CEP112: variants seen among roughly 807,000 people sequenced by gnomAD.
CEP112 encodes centrosomal protein 112.
In CEP112, 127 loss-of-function variants were observed where a neutral mutation model predicts 153.0. That is an observed-to-expected ratio of 0.83 (90% CI 0.72 to 0.96). CEP112 has a LOEUF of 0.96. CEP112 is among the 40% of genes least tolerant of loss of function. The probability of loss-of-function intolerance (pLI) is 0.00; values close to 1 mark genes in which losing one functional copy is unlikely to be tolerated. For missense variants in CEP112, 1,089 were observed against 1,101.2 expected (o/e 0.99, Z 0.16); for synonymous variants, 358 against 374.4 (o/e 0.96, Z 0.51).
intron 18 of CEP112, among the ~76,000 whole-genome samples, chr17:65,941,769 T>A (rs11079604): frequency 0.48 from 72,488 of 151,470 alleles, 18,327 homozygotes; most frequent in East Asian, 0.89. Flanking sequence ...TGTGTTAGGT[T>A]TTTTTTTGTT....
At chr17:66,083,114 TGTAG>T (rs1354891390) in intron 8 of CEP112, among the ~76,000 whole-genome samples, 1 of 152,216 alleles carries the variant, frequency 6.6e-6, no homozygotes, top group East Asian at 1.9e-4. Flanking sequence ...CATCTTGAAC[TGTAG>T]CTACCATCAT....
At chr17:65,681,116 G>A (rs947380531) in intron 24 of CEP112, among the ~76,000 whole-genome samples, 2 of 152,158 alleles carry the variant, frequency 1.3e-5, no homozygotes, top group Admixed American at 1.3e-4. Context: ...TGAGGATAGG[G>A]GCTCCGGAAA....
chr17:65,658,121 G>A (rs1169065957), intron 24 of CEP112, among the ~76,000 whole-genome samples: 6 of 152,220 alleles, frequency 3.9e-5, no homozygotes, highest in Non-Finnish European at 7.3e-5. Context: ...CAATTTGGAA[G>A]ACAGACATTA....
intron 25 of CEP112, 35 bp from the exon 26 acceptor site, chr17:65,637,223 G>A (rs1023687475): frequency 6.9e-6 from 10 of 1,455,558 alleles, no homozygotes; most frequent in African/African-American, 5.6e-5. Context: ...AGAGGTGGAC[G>A]TGGCTTACAT....
chr17:65,971,198 A>AT (rs1407377413), intron 17 of CEP112, among the ~76,000 whole-genome samples: 2 of 151,914 alleles, frequency 1.3e-5, no homozygotes, highest in Non-Finnish European at 2.9e-5. Flanking sequence ...TGCATATCAC[A>AT]TTGCACGTAT....
At chr17:66,106,926 AT>A (rs1172257780) in intron 6 of CEP112, among the ~76,000 whole-genome samples, 1 of 152,112 alleles carries the variant, frequency 6.6e-6, no homozygotes, top group East Asian at 1.9e-4. Context: ...TCAACAACAC[AT>A]AAAAAAAAAT....
At position 66,142,309 on chromosome 17, in the gene CEP112, C is replaced by G. The variant is rs530795079; in HGVS notation, c.471-9546G>C. On this transcript the variant is annotated intron_variant, in intron 4 of 26. Coordinates refer to ENST00000535342, the MANE Select transcript of CEP112 (RefSeq NM_001199165.4). Reference sequence around the variant, plus strand: ...TATTTTATCTGATTCTGTAGCTTGTCTCTTCACTCTGTTGATTGTTTGCTG... The same window carrying G: ...TATTTTATCTGATTCTGTAGCTTGTGTCTTCACTCTGTTGATTGTTTGCTG... Among the ~76,000 whole-genome samples the G allele has an allele frequency of 7.2e-5, 11 of 152,200 alleles. No homozygotes were observed. The South Asian group carries it at 2.1e-3, about 29-fold the overall frequency.
chr17:65,777,004 A>T (rs11870607), intron 21 of CEP112, among the ~76,000 whole-genome samples: 3 of 152,002 alleles, frequency 2.0e-5, no homozygotes, highest in Non-Finnish European at 4.4e-5. Context: ...TTCTTCCATA[A>T]GAATAAAATT....
intron 21 of CEP112, among the ~76,000 whole-genome samples, chr17:65,799,755 A>G (rs1390760631): frequency 6.6e-6 from 1 of 152,224 alleles, no homozygotes; most frequent in African/African-American, 2.4e-5. Flanking sequence ...AAAAGGAAAT[A>G]ACTAAACAAA....
chr17:65,791,517 CATG>C (rs966071952), intron 21 of CEP112, among the ~76,000 whole-genome samples: 1 of 152,296 alleles, frequency 6.6e-6, no homozygotes, highest in African/African-American at 2.4e-5. Flanking sequence ...ATACAAAACA[CATG>C]ATTTCTGCTA....
chr17:65,654,594 C>G (rs2045963054), intron 24 of CEP112, among the ~76,000 whole-genome samples: 1 of 152,148 alleles, frequency 6.6e-6, no homozygotes, highest in South Asian at 2.1e-4. Flanking sequence ...TTTTCAGGAC[C>G]ATTTTCTGAT....
intron 17 of CEP112, among the ~76,000 whole-genome samples, chr17:65,972,908 G>C (rs1471718395): frequency 6.6e-6 from 1 of 152,172 alleles, no homozygotes; most frequent in Non-Finnish European, 1.5e-5. Flanking sequence ...TGGGATTACA[G>C]GCACCTGCCA....
intron 7 of CEP112, 115 bp downstream of exon 7, chr17:66,096,470 C>CA: frequency 8.7e-7 from 1 of 1,155,782 alleles, no homozygotes; most frequent in East Asian, 2.4e-5. Flanking sequence ...TGATAAAATT[C>CA]AAAAACTATT....
Position 65,759,181 on chromosome 17 carries a change from A to G in CEP112, c.2395-8457T>C, listed in dbSNP as rs148704310. On this transcript the variant is annotated intron_variant, in intron 21 of 26. Coordinates refer to ENST00000535342, the MANE Select transcript of CEP112 (RefSeq NM_001199165.4). ...CCAGGAAGTTACCCTATATTGTCTA[A>G]AAAGGGGAGGCATGAATAATCCACC... Among the ~76,000 whole-genome samples the G allele has an allele frequency of 2.3e-3, 352 of 152,304 alleles. 1 individual carries two copies. Among genetic ancestry groups the G allele is most frequent in the African/African-American group, 8.0e-3 (334 of 41,564 alleles).
intron 21 of CEP112, chr17:65,826,121 G>A: frequency 1.2e-6 from 2 of 1,612,766 alleles, no homozygotes; most frequent in Non-Finnish European, 1.7e-6. Flanking sequence ...GGAGGACAGA[G>A]GTTGTCTTGT....
intron 24 of CEP112, among the ~76,000 whole-genome samples, chr17:65,660,843 T>G (rs1027758541): frequency 2.0e-5 from 3 of 152,154 alleles, no homozygotes; most frequent in Non-Finnish European, 4.4e-5. Flanking sequence ...TGGCCATACC[T>G]TGATTTCTGT....
At position 66,057,793 on chromosome 17, in the gene CEP112, AC is replaced by A. The variant is rs1568441781; in HGVS notation, c.1075-3915del. Among the ~76,000 whole-genome samples the A allele has an allele frequency of 3.7e-3, 542 of 147,696 alleles. 2 individuals carry two copies. The highest frequency in any genetic ancestry group is 0.013 in the African/African-American group (504 of 39,862). ...CACACACACACACACACACACACAC[AC>A]ACAGCCTTCAGTGAGGGGGCAGGTA... On this transcript the variant is annotated intron_variant, in intron 11 of 26. Transcript: ENST00000535342.
At chr17:65,936,007 T>A (rs7222029) in intron 18 of CEP112, among the ~76,000 whole-genome samples, 72,876 of 151,684 alleles carry the variant, frequency 0.48, 18,467 homozygotes, top group East Asian at 0.89. Flanking sequence ...AACATTAGCT[T>A]GACTAAGAAT....
chr17:66,188,286 A>ACACACAC (rs2073017066), intron 1 of CEP112, among the ~76,000 whole-genome samples: 9 of 109,436 alleles, frequency 8.2e-5, no homozygotes, highest in African/African-American at 1.2e-4. Context: ...CACACACACA[A>ACACACAC]ACACACACAC....
Sources: gnomAD v4.1 joint callset for allele counts (sites outside exome capture counted in the v4.1 genomes callset) on GRCh38, gnomAD v4.1.1 for gene constraint, MANE v1.5 for transcripts, NCBI Gene and HGNC (gene_info 2026-07-23, HGNC 2026-07-21) for gene names.